Variants in MTIF3 observed in about 807,000 individuals in gnomAD.
MTIF3 encodes the protein translation initiation factor IF-3, mitochondrial.
MTIF3 carries 13 observed loss-of-function variants against 20.7 expected under a neutral mutation model. The ratio of observed to expected loss-of-function variants is 0.63; its 90% CI spans 0.41 to 1.00. The LOEUF (loss-of-function observed/expected upper bound fraction) is 1.00, where lower values mean the gene tolerates loss of function less well. MTIF3 is among the 50% of genes least tolerant of loss of function. The pLI, the probability that MTIF3 is intolerant of heterozygous loss-of-function variation, is 0.00. For missense variants in MTIF3, 295 were observed against 324.5 expected, an observed-to-expected ratio of 0.91 and a Z score of 0.70; for synonymous variants, 114 against 112.5, an observed-to-expected ratio of 1.01 and a Z score of -0.08.
intron 1 of MTIF3, among the ~76,000 whole-genome samples, chr13:27,445,740 G>C (rs978999339): frequency 1.2e-4 from 19 of 152,180 alleles, no homozygotes; most frequent in Non-Finnish European, 4.4e-5. Flanking sequence ...CTATTAAGCA[G>C]CTTTGCCAAA....
Position 27,435,655 on chromosome 13 carries a change from C to A in MTIF3, c.*20G>T. 3.7e-6 allele frequency: 6 copies of A among 1,611,934 alleles called. No homozygotes were observed. The highest frequency in any genetic ancestry group is 5.1e-6 in the Non-Finnish European group (6 of 1,178,278). The stretch of plus-strand genomic sequence containing the variant: ...CCAAGGAGCGAGCTTTCTCTCAGAG[C>A]ATGCTTTTCTTTATTAAAATTACTG... On this transcript the variant is annotated 3_prime_UTR_variant, in exon 5 of 5. Coordinates refer to ENST00000381120, the MANE Select transcript of MTIF3 (RefSeq NM_152912.5).
chr13:27,449,165 T>C (rs1430388452), intron 1 of MTIF3, among the ~76,000 whole-genome samples: 2 of 152,178 alleles, frequency 1.3e-5, no homozygotes, highest in East Asian at 1.9e-4. Context: ...CAAGACACCT[T>C]TGACGCCTCC....
intron 2 of MTIF3, among the ~76,000 whole-genome samples, chr13:27,443,008 C>T (rs182802889): frequency 6.6e-6 from 1 of 152,316 alleles, no homozygotes; most frequent in East Asian, 1.9e-4. Flanking sequence ...ATGCACGGGC[C>T]GAAGGAAACA....
Position 27,438,893 on chromosome 13 carries a change from G to A in MTIF3, c.460+1096C>T, listed in dbSNP as rs1307724201. 8.6e-5 allele frequency among the ~76,000 whole-genome samples: 13 copies of A among 151,442 alleles called. 1 individual carries two copies. Among genetic ancestry groups the A allele is most frequent in the Admixed American group, 8.6e-4 (13 of 15,192 alleles). On this transcript the variant is annotated intron_variant, in intron 3 of 4. Transcript: ENST00000381120. ...CCAGTCAACATCCTTGTTAAATGTG[G>A]CATTACAAAACTGAGCCGCAGATAA...
At chr13:27,447,384 A>T (rs1028330478) in intron 1 of MTIF3, among the ~76,000 whole-genome samples, 1 of 152,166 alleles carries the variant, frequency 6.6e-6, no homozygotes, top group African/African-American at 2.4e-5. Flanking sequence ...CACTAGGCTG[A>T]AGAGGCCAGG....
chr13:27,444,078 C>A (rs562341564), intron 2 of MTIF3, among the ~76,000 whole-genome samples: 2 of 151,896 alleles, frequency 1.3e-5, no homozygotes, highest in African/African-American at 4.8e-5. Flanking sequence ...CTGAGGTGGG[C>A]GGATCACAAG....
At position 27,435,713 on chromosome 13, in the gene MTIF3, G is replaced by A; in HGVS notation, c.799C>T (p.His267Tyr). Residue 267 changes from histidine to tyrosine, a missense_variant, in exon 5 of 5, where the codon CAT becomes TAT. His to Tyr is a moderately conservative substitution (Grantham distance 83). Transcript: ENST00000381120. ...TQERDTLNKDHGNDKESNVLH... is the reference protein window; with the variant it reads ...TQERDTLNKDYGNDKESNVLH... ...ACATTTGATTCCTTATCATTTCCAT[G>A]GTCTTTGTTCAAAGTGTCTCTTTCC... The A allele has an allele frequency of 6.2e-7, 1 of 1,613,958 alleles. No individual in the cohort carries two copies. The highest frequency in any genetic ancestry group is 8.5e-7 in the Non-Finnish European group (1 of 1,179,928).
chr13:27,449,634 C>G (rs1040350637), intron 1 of MTIF3, among the ~76,000 whole-genome samples: 1 of 152,236 alleles, frequency 6.6e-6, no homozygotes, highest in African/African-American at 2.4e-5. Flanking sequence ...CTTCTACAGT[C>G]CAGTTGACCT....
chr13:27,446,347 G>A (rs992148881), intron 1 of MTIF3, among the ~76,000 whole-genome samples: 2 of 152,126 alleles, frequency 1.3e-5, no homozygotes, highest in African/African-American at 4.8e-5. Context: ...CGTGAGCCAC[G>A]GCACCCGCCT....
chr13:27,439,244 C>G (rs1434840342), intron 3 of MTIF3, among the ~76,000 whole-genome samples: 1 of 152,128 alleles, frequency 6.6e-6, no homozygotes, highest in Non-Finnish European at 1.5e-5. Flanking sequence ...GCCTGTAATC[C>G]CAGCACTTTG....
At chr13:27,444,145 A>G (rs945088238) in intron 2 of MTIF3, among the ~76,000 whole-genome samples, 1 of 152,128 alleles carries the variant, frequency 6.6e-6, no homozygotes, top group Admixed American at 6.5e-5. Flanking sequence ...CTACTAAAAA[A>G]TAAAATAAAA....
chr13:27,446,261 T>C (rs1335770259), intron 1 of MTIF3, among the ~76,000 whole-genome samples: 1 of 152,218 alleles, frequency 6.6e-6, no homozygotes, highest in Non-Finnish European at 1.5e-5. Flanking sequence ...TTTTACCATG[T>C]TGGCCAGGCT....
chr13:27,436,844 C>G (rs1476157357), intron 4 of MTIF3, among the ~76,000 whole-genome samples: 2 of 150,028 alleles, frequency 1.3e-5, no homozygotes, highest in Non-Finnish European at 3.0e-5. Flanking sequence ...CTCCGCCTCC[C>G]GGGTTCACGC....
In MTIF3 at chr13:27,435,903, G is replaced by C. The variant is rs995804507; in HGVS notation, c.619-10C>G. ...GATGAAATATCTCCTCCTAAAAAAG[G>C]GAAACAGCCAAAGATTAATTTAAAA... On this transcript the variant is annotated splice_polypyrimidine_tract_variant and intron_variant, in intron 4 of 4. Coordinates refer to ENST00000381120, the MANE Select transcript of MTIF3 (RefSeq NM_152912.5). 1 of 1,594,692 alleles carries C rather than the reference G, an allele frequency of 6.3e-7. No homozygotes were observed. Among genetic ancestry groups the C allele is most frequent in the African/African-American group, 1.3e-5 (1 of 74,422 alleles).
At chr13:27,437,052 A>G in intron 4 of MTIF3, 64 bp downstream of exon 4, 5 of 1,549,390 alleles carry the variant, frequency 3.2e-6, no homozygotes, top group Non-Finnish European at 4.4e-6. Flanking sequence ...CGCCTGGCCT[A>G]CAATTGTATT....
intron 3 of MTIF3, among the ~76,000 whole-genome samples, chr13:27,438,315 C>G (rs1953859850): frequency 2.8e-5 from 2 of 71,106 alleles, no homozygotes; most frequent in Non-Finnish European, 5.5e-5. Flanking sequence ...GAGACCCCAT[C>G]TCTACAAAAA....
intron 4 of MTIF3, among the ~76,000 whole-genome samples, chr13:27,436,156 T>C (rs1593183529): frequency 6.6e-6 from 1 of 152,176 alleles, no homozygotes; most frequent in East Asian, 1.9e-4. Flanking sequence ...GGCTCAGCAT[T>C]ACCCTCTCCC....
rs116244675 is a variant in MTIF3, at chr13:27,435,774, A to T, written c.738T>A (p.Asn246Lys). The change falls in exon 5 of 5, where the codon AAT becomes AAA. Residue 246 changes from asparagine to lysine, a missense_variant. Physicochemically the swap from Asn to Lys is moderately conservative, Grantham distance 94 (BLOSUM62 0). Transcript: ENST00000381120. ...GAGTTTCTTTATATGCCTTCTCCTC[A>T]TTTTTGCTGAAAGCACGAAGAACAC... ...LMCVLRAFSK[N>K]EEKAYKETQE... The T allele has an allele frequency of 4.6e-4, 748 of 1,613,954 alleles. 6 individuals carry two copies. In the African/African-American group the frequency reaches 9.1e-3, roughly 20 times the overall value.
At chr13:27,446,337 C>A (rs1321478986) in intron 1 of MTIF3, among the ~76,000 whole-genome samples, 6 of 152,150 alleles carry the variant, frequency 3.9e-5, no homozygotes, top group Non-Finnish European at 5.9e-5. Context: ...GGATTACGGG[C>A]GTGAGCCACG....
Sources: allele counts gnomAD v4.1 joint callset (sites outside exome capture counted in the v4.1 genomes callset), GRCh38; gene constraint gnomAD v4.1.1; transcripts MANE v1.5; gene names NCBI Gene and HGNC (gene_info 2026-07-23, HGNC 2026-07-21).